Variants in AGBL5 observed in about 807,000 individuals in gnomAD.
AGBL5 encodes AGBL carboxypeptidase 5.
In AGBL5, 51 loss-of-function variants were observed where a neutral mutation model predicts 88.0. The observed-to-expected ratio is 0.58, with a 90% confidence interval of 0.46 to 0.73. The LOEUF is 0.73. AGBL5 is among the 30% of genes least tolerant of loss of function. The probability of loss-of-function intolerance (pLI) is 0.00; values close to 1 mark genes in which losing one functional copy is unlikely to be tolerated. For missense variants in AGBL5, 1,031 were observed against 1,162.2 expected (o/e 0.89, Z 1.64); for synonymous variants, 446 against 438.8 (o/e 1.02, Z -0.21).
rs916578474 is a variant in AGBL5 at position 27,057,110 on chromosome 2, C to CT, written c.1536-192dup. 1.6e-5 allele frequency: 10 copies of CT among 609,062 alleles called. No individual in the cohort carries two copies. The African/African-American group carries it at 1.9e-4, about 11-fold the overall frequency. The allele number at this position is 609,062 out of a possible 1,614,324, so 37.7% of individuals were successfully genotyped here. On this transcript the variant is annotated intron_variant, in intron 8 of 14. Transcript: ENST00000360131. Reference sequence around the variant, plus strand: ...GCATTATTGTCTTTAGTCTAGGACTCTACCTTGGGGGGACTCTCTGGGTAT... The same window carrying CT: ...GCATTATTGTCTTTAGTCTAGGACTCTTACCTTGGGGGGACTCTCTGGGTAT...
intron 11 of AGBL5, 90 bp downstream of exon 11, chr2:27,059,494 C>T (rs532007798): frequency 2.5e-6 from 4 of 1,583,282 alleles, no homozygotes; most frequent in Non-Finnish European, 2.6e-6. Flanking sequence ...ACTGTTGGCC[C>T]AGGACCAAGG....
chr2:27,065,851 G>A (rs1668959187), intron 11 of AGBL5, among the ~76,000 whole-genome samples: 1 of 152,192 alleles, frequency 6.6e-6, no homozygotes, highest in Non-Finnish European at 1.5e-5. Context: ...GTAGCCATGG[G>A]GTCTATAGCA....
At chr2:27,056,886 C>G (rs947178361) in intron 8 of AGBL5, 94 bp downstream of exon 8, 21 of 1,346,284 alleles carry the variant, frequency 1.6e-5, no homozygotes, top group Admixed American at 2.3e-5. Flanking sequence ...ATCCCAGCTA[C>G]TGAGGAGGCT....
chr2:27,057,160 C>G (rs750182899), intron 8 of AGBL5, 143 bp from the exon 9 acceptor site: 52 of 897,368 alleles, frequency 5.8e-5, no homozygotes, highest in Non-Finnish European at 7.7e-5. Flanking sequence ...AGGTCAGCTG[C>G]TAGTTGCTAT....
Position 27,053,364 on chromosome 2 carries a change from T to C in AGBL5, c.216-38T>C. On this transcript the variant is annotated intron_variant, in intron 2 of 14. Transcript: ENST00000360131. This position sits in a 1 kb window ranked among gnomAD's most constrained non-coding sequence, Gnocchi z 4.9. The stretch of plus-strand genomic sequence containing the variant: ...TCCCACAGACCATATCTCCAACCCT[T>C]CCACACGTAATGACCTCTCTCTTAC... 2 of 1,604,210 alleles carry C rather than the reference T, an allele frequency of 1.2e-6. No homozygotes were observed. Among genetic ancestry groups the C allele is most frequent in the Non-Finnish European group, 1.7e-6 (2 of 1,174,248 alleles).
At chr2:27,067,159 G>A (rs1176299097) in intron 11 of AGBL5, among the ~76,000 whole-genome samples, 1 of 151,670 alleles carries the variant, frequency 6.6e-6, no homozygotes, top group East Asian at 1.9e-4. Flanking sequence ...AGGCTAGGTG[G>A]GAGGATCACC....
rs1170831979 is a variant in AGBL5, at chr2:27,054,778, C to T, written c.700C>T (p.Pro234Ser). ...GCAGCTATTTCCTGATACCAGCACC[C>T]CTCGACCATTCCGTTTCGCAGGCAA... is the stretch of plus-strand genomic sequence containing the variant. ...LEQLFPDTST[P>S]RPFRFAGKRI... Residue 234 changes from proline (P) to serine (S), a missense_variant, in exon 5 of 15, where the codon CCT (proline) becomes TCT (serine). Transcript: ENST00000360131. 1 of 1,613,176 alleles carries T rather than the reference C, an allele frequency of 6.2e-7. No individual in the cohort carries two copies. Among genetic ancestry groups the T allele is most frequent in the South Asian group, 1.1e-5 (1 of 90,982 alleles).
In AGBL5 at chr2:27,051,761, G is replaced by A. The variant is rs1022836897; in HGVS notation, c.-79G>A. 1 of 152,280 alleles carries A rather than the reference G, an allele frequency of 6.6e-6. No homozygotes were observed. The highest frequency in any genetic ancestry group is 2.4e-5 in the African/African-American group (1 of 41,448). 9.4% of individuals were successfully genotyped at this position (152,280 alleles called of 1,614,324 possible). ...GGCCCAAGGTGCGGCCTCGCTAGCGGGAGAGGGAGCGGGATCACCGGCCCG... is the reference window on the plus strand; with the variant it reads ...GGCCCAAGGTGCGGCCTCGCTAGCGAGAGAGGGAGCGGGATCACCGGCCCG... On this transcript the variant is annotated 5_prime_UTR_variant, in exon 1 of 15. Transcript: ENST00000360131.
intron 6 of AGBL5, 80 bp downstream of exon 6, chr2:27,055,333 C>G: frequency 6.5e-7 from 1 of 1,534,704 alleles, no homozygotes; most frequent in Non-Finnish European, 8.9e-7. Flanking sequence ...TGTCAGCCTT[C>G]TGGCTTCTGT....
chr2:27,055,035 A>G (rs779316180), intron 5 of AGBL5, 40 bp from the exon 6 acceptor site: 3 of 1,594,232 alleles, frequency 1.9e-6, no homozygotes, highest in South Asian at 2.2e-5. Context: ...GTAGAACTAC[A>G]GGGTAACTGA....
intron 11 of AGBL5, chr2:27,061,871 G>A (rs995703866): frequency 2.0e-5 from 3 of 151,872 alleles, no homozygotes; most frequent in African/African-American, 7.3e-5. Context: ...GGAGTGCAAT[G>A]GTGCAATCTC....
chr2:27,056,553 C>A, intron 7 of AGBL5, 70 bp from the exon 8 acceptor site: 1 of 1,394,640 alleles, frequency 7.2e-7, no homozygotes, highest in Non-Finnish European at 9.8e-7. Flanking sequence ...TGGTCACATA[C>A]TTGCTATCTC....
Position 27,058,594 on chromosome 2 carries a change from A to C in AGBL5, c.1866A>C (p.Lys622Asn). ...AGAGGGGCCTTCGAACTCCACCCAA[A>C]AGTCACAAGTAAGGCCAGCAAAATA... Reference protein sequence around the residue: ...NKKRGLRTPPKSHNGLPVSCS... With the variant: ...NKKRGLRTPPNSHNGLPVSCS... The change falls in exon 10 of 15, where the codon AAA (lysine) becomes AAC (asparagine). Residue 622 changes from lysine (K) to asparagine (N), a missense_variant. Coordinates refer to ENST00000360131, the MANE Select transcript of AGBL5 (RefSeq NM_021831.6). The C allele has an allele frequency of 6.2e-7, 1 of 1,614,024 alleles. No individual in the cohort carries two copies. Among genetic ancestry groups the C allele is most frequent in the East Asian group, 2.2e-5 (1 of 44,882 alleles).
chr2:27,069,986 C>T, intron 14 of AGBL5, 106 bp from the exon 15 acceptor site: 1 of 1,529,680 alleles, frequency 6.5e-7, no homozygotes, highest in South Asian at 1.3e-5. Flanking sequence ...CCATCCTTAC[C>T]CATCTTCATC....
At chr2:27,066,279 T>C in intron 11 of AGBL5, among the ~76,000 whole-genome samples, 1 of 149,420 alleles carries the variant, frequency 6.7e-6, no homozygotes, top group Non-Finnish European at 1.5e-5. Context: ...AGAGATAGAA[T>C]TGTAGGATTT....
rs984146369 is a variant in AGBL5, at chr2:27,053,306, A to G, written c.216-96A>G. On this transcript the variant is annotated intron_variant, in intron 2 of 14. Transcript: ENST00000360131. This position sits in a 1 kb window ranked among gnomAD's most constrained non-coding sequence, Gnocchi z 4.9. ...ATCGTCCCTCCTTTCTCCTTGCCAA[A>G]TAGCCCTTTCCCAGTTTGGCTGGCT... 11 of 1,540,562 alleles carry G rather than the reference A, an allele frequency of 7.1e-6. No individual in the cohort carries two copies. The highest frequency in any genetic ancestry group is 6.8e-5 in the East Asian group (3 of 44,220).
At chr2:27,061,812 CCT>C (rs1355565543) in intron 11 of AGBL5, 3 of 152,042 alleles carry the variant, frequency 2.0e-5, no homozygotes, top group South Asian at 4.2e-4. Context: ...ATTCTAGGCC[CCT>C]CTTTTTTTTT....
At chr2:27,050,708 A>C (rs1382871855), upstream of AGBL5, among the ~76,000 whole-genome samples, 1 of 152,118 alleles carries the variant, frequency 6.6e-6, no homozygotes, top group African/African-American at 2.4e-5. Flanking sequence ...TCAGCTGGAG[A>C]AAGCGGGGGT....
chr2:27,067,704 G>A (rs555193688), intron 12 of AGBL5, 58 bp downstream of exon 12: 1 of 1,604,290 alleles, frequency 6.2e-7, no homozygotes, highest in East Asian at 2.2e-5. Context: ...GGCCAGGCCA[G>A]GTTCTTTAAG....
Sources: allele counts gnomAD v4.1 joint callset (sites outside exome capture counted in the v4.1 genomes callset), GRCh38; gene constraint gnomAD v4.1.1; non-coding constraint Gnocchi (gnomAD v3.1); transcripts MANE v1.5; gene names NCBI Gene and HGNC (gene_info 2026-07-23, HGNC 2026-07-21).